SDK1: variants seen among roughly 807,000 people sequenced by gnomAD.
The protein encoded by SDK1 is protein sidekick-1.
In SDK1, 157 loss-of-function variants were observed where a neutral mutation model predicts 245.5. The observed-to-expected ratio is 0.64, with a 90% confidence interval of 0.56 to 0.73. SDK1 has a LOEUF of 0.73. Among genes scored for constraint, SDK1 ranks in the 30% least tolerant of loss-of-function variants. SDK1 has a pLI of 0.00. For synonymous variants in SDK1, 1,647 were observed against 1,278.5 expected, an observed-to-expected ratio of 1.29 and a Z score of -6.15; for missense variants, 3,583 against 3,002.3, an observed-to-expected ratio of 1.19 and a Z score of -4.52.
At chr7:4,105,918 G>A (rs1782872692) in intron 22 of SDK1, among the ~76,000 whole-genome samples, 1 of 152,216 alleles carries the variant, frequency 6.6e-6, no homozygotes, top group Non-Finnish European at 1.5e-5. Context: ...GCGGCTGCAG[G>A]AGGAAGTGCA....
chr7:3,418,144 T>A (rs534772820), intron 1 of SDK1, among the ~76,000 whole-genome samples: 8,546 of 37,308 alleles, frequency 0.23, 527 homozygotes, highest in African/African-American at 0.33. Context: ...CTACTAAAAA[T>A]GAAAAAAAAA....
In SDK1 at chr7:3,360,993, A is replaced by G. The variant is rs544959478; in HGVS notation, c.298+59109A>G. On this transcript the variant is annotated intron_variant, in intron 1 of 44. Transcript: ENST00000404826. ...CATTTATAGCATATGTGCTAAAGAA[A>G]CAAAATGGTGTGTTGGGAGTTACAT... Among the ~76,000 whole-genome samples, 4 of 152,308 alleles carry G rather than the reference A, an allele frequency of 2.6e-5. No individual in the cohort carries two copies. The South Asian group carries it at 6.2e-4, about 24-fold the overall frequency.
chr7:3,393,031 C>T (rs1005937690), intron 1 of SDK1, among the ~76,000 whole-genome samples: 18 of 127,208 alleles, frequency 1.4e-4, no homozygotes, highest in South Asian at 5.5e-4. Flanking sequence ...AGTACAGTGG[C>T]GTGATCTCAG....
chr7:3,588,955 T>G (rs1366288384), intron 1 of SDK1, among the ~76,000 whole-genome samples: 1 of 152,224 alleles, frequency 6.6e-6, no homozygotes, highest in Non-Finnish European at 1.5e-5. Context: ...GAAGCTGCTT[T>G]TTTATTTAGG....
chr7:3,788,042 C>T (rs1174261044), intron 4 of SDK1, among the ~76,000 whole-genome samples: 2 of 152,206 alleles, frequency 1.3e-5, no homozygotes, highest in Non-Finnish European at 2.9e-5. Flanking sequence ...TCATGCCAAA[C>T]AGCTCGTGTG....
intron 40 of SDK1, among the ~76,000 whole-genome samples, chr7:4,223,617 C>T (rs190344268): frequency 1.5e-4 from 23 of 152,268 alleles, no homozygotes; most frequent in African/African-American, 4.8e-4. Context: ...TTTATGAGGA[C>T]GCCAGTCATA....
At chr7:3,319,694 G>T (rs1056592697) in intron 1 of SDK1, among the ~76,000 whole-genome samples, 2 of 151,872 alleles carry the variant, frequency 1.3e-5, no homozygotes, top group South Asian at 4.2e-4. Context: ...GCATGTCTCT[G>T]GTCTGTTTAT....
At chr7:4,237,582 C>A in intron 41 of SDK1, 65 bp from the exon 42 acceptor site, 2 of 1,593,300 alleles carry the variant, frequency 1.3e-6, no homozygotes, top group Admixed American at 1.7e-5. Context: ...CCACCTGACT[C>A]GCGGGAGGTG....
chr7:3,721,584 A>G (rs1778803544), intron 4 of SDK1, among the ~76,000 whole-genome samples: 1 of 152,130 alleles, frequency 6.6e-6, no homozygotes, highest in Non-Finnish European at 1.5e-5. Context: ...TTCTGACGCA[A>G]ATGACCCTCT....
At chr7:3,871,272 C>T (rs74465321) in intron 5 of SDK1, among the ~76,000 whole-genome samples, 5,522 of 152,104 alleles carry the variant, frequency 0.036, 151 homozygotes, top group Middle Eastern at 0.1. Flanking sequence ...CCTTTTATCT[C>T]GCCATCTTGC....
intron 1 of SDK1, among the ~76,000 whole-genome samples, chr7:3,466,241 T>A (rs1355584443): frequency 6.6e-6 from 1 of 151,660 alleles, no homozygotes; most frequent in Non-Finnish European, 1.5e-5. Context: ...GATTTTCAGC[T>A]TTATATGCTA....
chr7:3,797,108 G>A (rs1024491586), intron 4 of SDK1, among the ~76,000 whole-genome samples: 1 of 151,770 alleles, frequency 6.6e-6, no homozygotes, highest in African/African-American at 2.4e-5. Context: ...CTGGCCTCAA[G>A]TGATCCTACT....
intron 5 of SDK1, among the ~76,000 whole-genome samples, chr7:3,910,847 G>T (rs552757470): frequency 3.3e-5 from 5 of 152,214 alleles, no homozygotes; most frequent in Non-Finnish European, 5.9e-5. Flanking sequence ...TAAATCCCCA[G>T]TTAGTCCGGA....
intron 1 of SDK1, among the ~76,000 whole-genome samples, chr7:3,522,061 A>T (rs1782956992): frequency 6.6e-6 from 1 of 152,140 alleles, no homozygotes; most frequent in African/African-American, 2.4e-5. Flanking sequence ...TTGACTTCAT[A>T]GGATTGTTAC....
intron 1 of SDK1, among the ~76,000 whole-genome samples, chr7:3,489,797 A>G (rs966940727): frequency 2.0e-5 from 3 of 152,226 alleles, no homozygotes; most frequent in Non-Finnish European, 4.4e-5. Flanking sequence ...TTTGATCACA[A>G]AGTATACATG....
chr7:3,696,602 T>TGTG (rs1784580081), intron 4 of SDK1, among the ~76,000 whole-genome samples: 3 of 132,536 alleles, frequency 2.3e-5, no homozygotes, highest in African/African-American at 1.1e-4. Context: ...GTGTGTGTGT[T>TGTG]GTTACCTACA....
intron 5 of SDK1, among the ~76,000 whole-genome samples, chr7:3,919,472 G>C (rs978659582): frequency 6.6e-6 from 1 of 152,242 alleles, no homozygotes; most frequent in Non-Finnish European, 1.5e-5. Context: ...GGAGGGGAAG[G>C]AGAGGAGGTC....
At chr7:3,451,227 A>C (rs1780503305) in intron 1 of SDK1, among the ~76,000 whole-genome samples, 2 of 151,748 alleles carry the variant, frequency 1.3e-5, no homozygotes, top group Admixed American at 6.7e-5. Context: ...ATATAGGAGA[A>C]AGGGGCAATT....
intron 1 of SDK1, among the ~76,000 whole-genome samples, chr7:3,429,201 C>G (rs1350342606): frequency 6.7e-6 from 1 of 149,800 alleles, no homozygotes; most frequent in African/African-American, 2.5e-5. Context: ...AAATAATACT[C>G]AGTTGTGGAT....
Sources: allele counts gnomAD v4.1 joint callset (sites outside exome capture counted in the v4.1 genomes callset), GRCh38; gene constraint gnomAD v4.1.1; transcripts MANE v1.5; gene names NCBI Gene and HGNC (gene_info 2026-07-23, HGNC 2026-07-21).